The following CLDN16 variants were observed in gnomAD, a reference collection of about 807,000 sequenced individuals.
The protein encoded by CLDN16 is claudin-16.
In CLDN16, 13 loss-of-function variants were observed where a neutral mutation model predicts 24.6. The ratio of observed to expected loss-of-function variants is 0.53; its 90% confidence interval spans 0.34 to 0.84. The LOEUF (loss-of-function observed/expected upper bound fraction) is 0.84. Among genes scored for constraint, CLDN16 ranks in the 40% least tolerant of loss-of-function variants. The probability of loss-of-function intolerance (pLI) is 0.01; values close to 1 mark genes in which losing one functional copy is unlikely to be tolerated. For synonymous variants in CLDN16, 116 were observed against 106.7 expected (o/e 1.09, Z -0.54); for missense variants, 298 against 292.7 (o/e 1.02, Z -0.13).
At chr3:190,332,797 C>T (rs1717212480) in intron 1 of CLDN16, among the ~76,000 whole-genome samples, 1 of 149,242 alleles carries the variant, frequency 6.7e-6, no homozygotes, top group Admixed American at 6.7e-5. Flanking sequence ...TGTTACAAGA[C>T]ATACTATGGC....
intron 1 of CLDN16, among the ~76,000 whole-genome samples, chr3:190,396,688 A>G (rs1718828426): frequency 6.6e-6 from 1 of 152,202 alleles, no homozygotes; most frequent in African/African-American, 2.4e-5. Flanking sequence ...AATTGCACAT[A>G]CAAAAGATAA....
chr3:190,380,327 A>G (rs1015542590), intron 3 of CLDN16, among the ~76,000 whole-genome samples: 2 of 151,768 alleles, frequency 1.3e-5, no homozygotes, highest in African/African-American at 4.8e-5. Flanking sequence ...AATATATAGA[A>G]AGCTTAATTG....
At chr3:190,364,481 G>T (rs558233762) in intron 1 of CLDN16, among the ~76,000 whole-genome samples, 2 of 152,016 alleles carry the variant, frequency 1.3e-5, no homozygotes, top group Non-Finnish European at 2.9e-5. Flanking sequence ...GGTTCCTGTT[G>T]TCCCACGGGT....
intron 2 of CLDN16, among the ~76,000 whole-genome samples, chr3:190,373,633 T>G (rs1429491431): frequency 6.6e-6 from 1 of 151,924 alleles, no homozygotes; most frequent in African/African-American, 2.4e-5. Context: ...AATGCTGTTG[T>G]GCATTATTTA....
chr3:190,326,245 G>A (rs533351804), intron 1 of CLDN16, among the ~76,000 whole-genome samples: 10 of 152,260 alleles, frequency 6.6e-5, no homozygotes, highest in African/African-American at 2.2e-4. Flanking sequence ...ATTATTTCAA[G>A]CAGATCAGAT....
chr3:190,354,746 G>A (rs77728515), intron 1 of CLDN16, among the ~76,000 whole-genome samples: 4,555 of 152,104 alleles, frequency 0.03, 100 homozygotes, highest in East Asian at 0.056. Context: ...CGTTTCTGCC[G>A]TTAAAGAATG....
chr3:190,390,007 G>A (rs1318950445), intron 1 of CLDN16, among the ~76,000 whole-genome samples: 1 of 152,164 alleles, frequency 6.6e-6, no homozygotes, highest in Non-Finnish European at 1.5e-5. Flanking sequence ...CTTGCTGAGA[G>A]AGAGATTGAG....
At chr3:190,408,806 C>CGTATATATACTATATAT (rs1364556783) in intron 4 of CLDN16, among the ~76,000 whole-genome samples, 2 of 144,388 alleles carry the variant, frequency 1.4e-5, no homozygotes, top group Non-Finnish European at 3.0e-5. Flanking sequence ...ATATACATAC[C>CGTATATATACTATATAT]GTATATATAC....
chr3:190,300,103 A>G, the CLDN16 span, among the ~76,000 whole-genome samples: 1 of 152,088 alleles, frequency 6.6e-6, no homozygotes, highest in Non-Finnish European at 1.5e-5. Flanking sequence ...TTCATGTGAC[A>G]TTCAGGAGGT....
the CLDN16 span, chr3:190,310,043 G>A: frequency 1.3e-6 from 1 of 766,684 alleles, no homozygotes. Context: ...CATTTAAATT[G>A]TTTGTAGGTT....
In CLDN16 at chr3:190,349,151, C is replaced by T. The variant is rs74334477; in HGVS notation, n.122-21742C>T. 5.1e-3 allele frequency among the ~76,000 whole-genome samples: 784 copies of T among 152,296 alleles called. 2 individuals are homozygous for T. The highest frequency in any genetic ancestry group is 0.018 in the African/African-American group (759 of 41,566). ...GACCCTGGTATGGTTTTTGTGTCCCCACCCAAATCCAGTTGTTCAATTGTA... is the reference window on the plus strand; with the variant it reads ...GACCCTGGTATGGTTTTTGTGTCCCTACCCAAATCCAGTTGTTCAATTGTA... On this transcript the variant is annotated intron_variant and non_coding_transcript_variant, in intron 1 of 4. Coordinates refer to the CLDN16 transcript ENST00000468220.
chr3:190,297,471 T>C, the CLDN16 span, among the ~76,000 whole-genome samples: 1 of 138,410 alleles, frequency 7.2e-6, no homozygotes, highest in Non-Finnish European at 1.5e-5. Flanking sequence ...TTAATTGTTA[T>C]ATTATCTATA....
chr3:190,291,914 G>A, the CLDN16 span, among the ~76,000 whole-genome samples: 1 of 152,082 alleles, frequency 6.6e-6, no homozygotes, highest in Non-Finnish European at 1.5e-5. Flanking sequence ...TCACGTCCAG[G>A]GCACACTGAT....
At chr3:190,298,949 G>A in the CLDN16 span, among the ~76,000 whole-genome samples, 2 of 152,082 alleles carry the variant, frequency 1.3e-5, no homozygotes, top group Admixed American at 1.3e-4. Context: ...ACATATAAGA[G>A]TTTCTCAAAA....
upstream of CLDN16, chr3:190,322,305 G>T: frequency 9.1e-7 from 1 of 1,099,902 alleles, no homozygotes; most frequent in Non-Finnish European, 1.3e-6. Flanking sequence ...GCTGGGCCCC[G>T]CGGAGGAAGT....
At position 190,348,452 on chromosome 3, in the gene CLDN16, G is replaced by T. The variant is rs370095631; in HGVS notation, n.122-22441G>T. ...TTCATTTAAAGCCATGGGAATAGAA[G>T]ATATTGCTTAGAGAGACTGTGCAGA... On this transcript the variant is annotated intron_variant and non_coding_transcript_variant, in intron 1 of 4. Coordinates refer to the CLDN16 transcript ENST00000468220. Among the ~76,000 whole-genome samples, 3 of 151,766 alleles carry T rather than the reference G, an allele frequency of 2.0e-5. No individual in the cohort carries two copies. In the East Asian group the frequency reaches 5.8e-4, roughly 30 times the overall value.
At chr3:190,389,006 A>G (rs1274541485) in intron 1 of CLDN16, among the ~76,000 whole-genome samples, 1 of 152,234 alleles carries the variant, frequency 6.6e-6, no homozygotes, top group East Asian at 1.9e-4. Context: ...TTTCCAGTGC[A>G]TCCCAATGTA....
the CLDN16 span, chr3:190,310,192 G>T: frequency 6.2e-7 from 1 of 1,613,802 alleles, no homozygotes; most frequent in Non-Finnish European, 8.5e-7. Flanking sequence ...GGGTCATAGG[G>T]TCATAGAATT....
At chr3:190,381,950 G>T (rs978770798) in intron 3 of CLDN16, among the ~76,000 whole-genome samples, 2 of 151,584 alleles carry the variant, frequency 1.3e-5, no homozygotes, top group African/African-American at 4.8e-5. Flanking sequence ...TAAATATTTG[G>T]AGAGAAAACA....
Sources: gnomAD v4.1 joint callset for allele counts (sites outside exome capture counted in the v4.1 genomes callset) on GRCh38, gnomAD v4.1.1 for gene constraint, MANE v1.5 for transcripts, NCBI Gene and HGNC (gene_info 2026-07-23, HGNC 2026-07-21) for gene names.